The following FAM3D variants were observed in gnomAD, a reference collection of about 807,000 sequenced individuals.
FAM3D encodes FAM3 metabolism regulating signaling molecule D.
FAM3D carries 26 observed loss-of-function variants against 29.8 expected under a neutral mutation model. The ratio of observed to expected loss-of-function variants is 0.87; its 90% CI spans 0.64 to 1.21. The LOEUF is 1.21. Ranked by LOEUF, FAM3D falls within the 50% of genes most tolerant of loss-of-function variation. The pLI, the probability that FAM3D is intolerant of heterozygous loss-of-function variation, is 0.00. For missense variants in FAM3D, 253 were observed against 290.9 expected, an observed-to-expected ratio of 0.87 and a Z score of 0.95; for synonymous variants, 115 against 102.3, an observed-to-expected ratio of 1.12 and a Z score of -0.75.
At chr3:58,653,351 C>T (rs2066701485) in intron 3 of FAM3D, among the ~76,000 whole-genome samples, 1 of 152,170 alleles carries the variant, frequency 6.6e-6, no homozygotes, top group Admixed American at 6.5e-5. Flanking sequence ...TTTCTTTCTT[C>T]CTTTCCTCCC....
chr3:58,663,560 T>A (rs1174118170), intron 1 of FAM3D, among the ~76,000 whole-genome samples: 1 of 152,198 alleles, frequency 6.6e-6, no homozygotes, highest in East Asian at 1.9e-4. Context: ...TACAGTTACA[T>A]CTGCAAGAAA....
chr3:58,662,838 G>A (rs1409216111), intron 1 of FAM3D, among the ~76,000 whole-genome samples: 3 of 152,210 alleles, frequency 2.0e-5, no homozygotes, highest in Non-Finnish European at 4.4e-5. Context: ...CTATCTCTGG[G>A]TTGCAGAGAT....
chr3:58,636,648 C>T (rs1297633420), intron 8 of FAM3D, among the ~76,000 whole-genome samples: 1 of 152,176 alleles, frequency 6.6e-6, no homozygotes, highest in Non-Finnish European at 1.5e-5. Context: ...CAGTACTGCT[C>T]TATTTACAAA....
chr3:58,663,794 C>T (rs1199998212), intron 1 of FAM3D, among the ~76,000 whole-genome samples: 1 of 152,186 alleles, frequency 6.6e-6, no homozygotes, highest in Non-Finnish European at 1.5e-5. Flanking sequence ...GGTCCAAGGC[C>T]TTGGTTTTGT....
chr3:58,658,182 C>T (rs1032789120), intron 1 of FAM3D, among the ~76,000 whole-genome samples: 4 of 152,146 alleles, frequency 2.6e-5, no homozygotes, highest in East Asian at 1.9e-4. Flanking sequence ...GCAGGTCAGC[C>T]GTGTGTGTAA....
At chr3:58,639,491 T>C (rs969742374) in intron 7 of FAM3D, among the ~76,000 whole-genome samples, 5 of 152,214 alleles carry the variant, frequency 3.3e-5, no homozygotes, top group African/African-American at 1.2e-4. Flanking sequence ...AGGCAGAATG[T>C]CTGGTCCTCA....
At chr3:58,649,194 G>C in intron 4 of FAM3D, 121 bp downstream of exon 4, 1 of 1,253,468 alleles carries the variant, frequency 8.0e-7, no homozygotes, top group South Asian at 1.5e-5. Flanking sequence ...AGGAAGCCCA[G>C]GTTTCTCTGG....
chr3:58,651,410 C>T (rs935179038), intron 3 of FAM3D, among the ~76,000 whole-genome samples: 4 of 152,188 alleles, frequency 2.6e-5, no homozygotes. Context: ...GGCCATCTTT[C>T]CCACTGGTTA....
intron 3 of FAM3D, among the ~76,000 whole-genome samples, chr3:58,650,682 AG>A (rs2066610224): frequency 6.6e-6 from 1 of 152,230 alleles, no homozygotes; most frequent in Admixed American, 6.5e-5. Flanking sequence ...TGTTGAAACC[AG>A]TTAAAGTTGA....
At chr3:58,661,034 C>T (rs181300664) in intron 1 of FAM3D, among the ~76,000 whole-genome samples, 8 of 152,254 alleles carry the variant, frequency 5.3e-5, no homozygotes, top group South Asian at 2.1e-4. Flanking sequence ...CTTGGCAGGC[C>T]GTATGTTCTG....
chr3:58,661,762 C>A (rs948669462), intron 1 of FAM3D, among the ~76,000 whole-genome samples: 1 of 152,212 alleles, frequency 6.6e-6, no homozygotes, highest in Non-Finnish European at 1.5e-5. Context: ...CACCCAAAAC[C>A]CAACACCTGG....
In FAM3D at chr3:58,645,633, A is replaced by C. The variant is rs1433541873; in HGVS notation, c.146-7T>G. On this transcript the variant is annotated splice_region_variant and splice_polypyrimidine_tract_variant and intron_variant, in intron 4 of 9. Coordinates refer to ENST00000358781, the MANE Select transcript of FAM3D (RefSeq NM_138805.3). ...CACTTGTACTTTTTAACCTCTGGGGAGGAAAGAGACCAGCCTTGGTGGGCA... is the reference window on the plus strand; with the variant it reads ...CACTTGTACTTTTTAACCTCTGGGGCGGAAAGAGACCAGCCTTGGTGGGCA... 1 of 1,612,724 alleles carries C rather than the reference A, an allele frequency of 6.2e-7. No individual in the cohort carries two copies. The highest frequency in any genetic ancestry group is 8.5e-7 in the Non-Finnish European group (1 of 1,178,912).
rs142309895 is a variant in FAM3D, at chr3:58,644,179, G to C, written c.264-459C>G. Among the ~76,000 whole-genome samples the C allele has an allele frequency of 2.3e-3, 355 of 152,252 alleles. 5 individuals are homozygous for C. The highest frequency in any genetic ancestry group is 0.022 in the Admixed American group (331 of 15,300). On this transcript the variant is annotated intron_variant, in intron 5 of 9. Coordinates refer to ENST00000358781, the MANE Select transcript of FAM3D (RefSeq NM_138805.3). Reference sequence around the variant, plus strand: ...TCCACGAACAGGCCAGGTGGTTCCTGGGATTGACCTCTCTCTCCCAGGTGT... The same window carrying C: ...TCCACGAACAGGCCAGGTGGTTCCTCGGATTGACCTCTCTCTCCCAGGTGT...
intron 1 of FAM3D, among the ~76,000 whole-genome samples, chr3:58,660,942 T>C (rs1292406015): frequency 1.3e-5 from 2 of 152,178 alleles, no homozygotes; most frequent in African/African-American, 2.4e-5. Flanking sequence ...CCAGGCGATA[T>C]GTGTCAGGAG....
chr3:58,658,111 C>T (rs2066859556), intron 1 of FAM3D, among the ~76,000 whole-genome samples: 1 of 152,196 alleles, frequency 6.6e-6, no homozygotes, highest in East Asian at 1.9e-4. Flanking sequence ...TCTGTCCTCA[C>T]TGTCCTTGGA....
chr3:58,642,718 T>C (rs1488584770), intron 6 of FAM3D, among the ~76,000 whole-genome samples: 2 of 152,142 alleles, frequency 1.3e-5, no homozygotes, highest in Non-Finnish European at 2.9e-5. Flanking sequence ...ATGGATTCCC[T>C]TGTGGTCTCC....
intron 4 of FAM3D, among the ~76,000 whole-genome samples, chr3:58,646,347 G>A (rs949779981): frequency 6.6e-6 from 1 of 152,312 alleles, no homozygotes; most frequent in African/African-American, 2.4e-5. Context: ...GGCACCTCTG[G>A]TGATGCTGGC....
At chr3:58,655,006 G>A (rs1210187715) in intron 2 of FAM3D, among the ~76,000 whole-genome samples, 2 of 152,202 alleles carry the variant, frequency 1.3e-5, no homozygotes, top group African/African-American at 4.8e-5. Flanking sequence ...GAAACTGAGA[G>A]GCGGTCACTT....
intron 4 of FAM3D, 104 bp from the exon 5 acceptor site, chr3:58,645,730 A>G: frequency 1.0e-6 from 1 of 957,502 alleles, no homozygotes; most frequent in Non-Finnish European, 1.7e-6. Context: ...CTTGGGATGA[A>G]GCTCAGAGCC....
Sources: gnomAD v4.1 joint callset for allele counts (sites outside exome capture counted in the v4.1 genomes callset) on GRCh38, gnomAD v4.1.1 for gene constraint, MANE v1.5 for transcripts, NCBI Gene and HGNC (gene_info 2026-07-23, HGNC 2026-07-21) for gene names.